Variants in LRRTM4 observed in about 807,000 individuals in gnomAD.
The protein encoded by LRRTM4 is leucine-rich repeat transmembrane neuronal protein 4.
In LRRTM4, 25 loss-of-function variants were observed where a neutral mutation model predicts 47.6. The observed-to-expected ratio is 0.53, with a 90% confidence interval of 0.38 to 0.73. The LOEUF (loss-of-function observed/expected upper bound fraction) is 0.73. Ranked by LOEUF, LRRTM4 falls within the 30% of genes least tolerant of loss-of-function variation. The pLI is 0.00. For missense variants in LRRTM4, 638 were observed against 713.4 expected (o/e 0.89, Z 1.20); for synonymous variants, 311 against 269.5 (o/e 1.15, Z -1.51).
intron 3 of LRRTM4, among the ~76,000 whole-genome samples, chr2:77,446,426 T>C (rs1277147530): frequency 1.3e-5 from 2 of 152,058 alleles, no homozygotes; most frequent in South Asian, 4.1e-4. Flanking sequence ...CTGATTTACA[T>C]TGATCTTCAA....
chr2:77,466,085 G>A (rs1244723791), intron 3 of LRRTM4, among the ~76,000 whole-genome samples: 1 of 152,132 alleles, frequency 6.6e-6, no homozygotes, highest in African/African-American at 2.4e-5. Flanking sequence ...GTTTTAGAGA[G>A]AAACAACAAG....
At chr2:76,850,649 G>A (rs1461674787) in intron 3 of LRRTM4, among the ~76,000 whole-genome samples, 1 of 152,144 alleles carries the variant, frequency 6.6e-6, no homozygotes, top group Non-Finnish European at 1.5e-5. Context: ...CTTAGCAACT[G>A]TCACTGTCCT....
intron 3 of LRRTM4, among the ~76,000 whole-genome samples, chr2:76,932,081 G>A (rs188856533): frequency 9.9e-5 from 15 of 152,166 alleles, no homozygotes; most frequent in African/African-American, 2.9e-4. Flanking sequence ...CCCTTTCAAC[G>A]TGAATTTTAT....
At chr2:77,368,096 C>G (rs1672526578) in intron 3 of LRRTM4, among the ~76,000 whole-genome samples, 2 of 151,612 alleles carry the variant, frequency 1.3e-5, no homozygotes, top group Non-Finnish European at 3.0e-5. Flanking sequence ...GCCTTCTAAT[C>G]TGTATGCTCT....
intron 3 of LRRTM4, among the ~76,000 whole-genome samples, chr2:77,472,671 A>C (rs1421538126): frequency 1.3e-5 from 2 of 152,168 alleles, no homozygotes; most frequent in African/African-American, 4.8e-5. Context: ...TGTAGGGGCT[A>C]CTGCGTGCAT....
intron 3 of LRRTM4, among the ~76,000 whole-genome samples, chr2:77,300,344 G>T (rs1184760749): frequency 6.6e-6 from 1 of 152,028 alleles, no homozygotes; most frequent in Non-Finnish European, 1.5e-5. Context: ...TGAAAAATTA[G>T]AAATATTTTA....
intron 3 of LRRTM4, among the ~76,000 whole-genome samples, chr2:76,783,910 TA>T (rs1674529634): frequency 6.6e-6 from 1 of 152,186 alleles, no homozygotes. Flanking sequence ...ATACTCATAA[TA>T]AAACTGCTTG....
intron 3 of LRRTM4, among the ~76,000 whole-genome samples, chr2:76,918,991 T>G (rs1674344607): frequency 6.6e-6 from 1 of 152,226 alleles, no homozygotes; most frequent in South Asian, 2.1e-4. Context: ...GGATATAGAT[T>G]AAAATCAGCA....
chr2:77,416,461 T>C (rs1456167633), intron 3 of LRRTM4, among the ~76,000 whole-genome samples: 1 of 152,168 alleles, frequency 6.6e-6, no homozygotes, highest in Non-Finnish European at 1.5e-5. Flanking sequence ...TAAGAGGTTT[T>C]ATTTCATGCT....
intron 3 of LRRTM4, among the ~76,000 whole-genome samples, chr2:77,383,694 A>C (rs1673149812): frequency 6.6e-6 from 1 of 152,134 alleles, no homozygotes; most frequent in South Asian, 2.1e-4. Flanking sequence ...TAGAGATGAA[A>C]AAAACTGAGA....
At chr2:77,279,131 C>T (rs951820066) in intron 3 of LRRTM4, among the ~76,000 whole-genome samples, 2 of 151,956 alleles carry the variant, frequency 1.3e-5, no homozygotes, top group Admixed American at 6.6e-5. Context: ...AACTTGCTTT[C>T]ATCTTACTCA....
chr2:76,801,408 G>A (rs1018905998), intron 3 of LRRTM4, among the ~76,000 whole-genome samples: 21 of 151,848 alleles, frequency 1.4e-4, no homozygotes, highest in Admixed American at 4.6e-4. Context: ...GTAAACTATC[G>A]CAAGAACAAA....
intron 3 of LRRTM4, among the ~76,000 whole-genome samples, chr2:76,807,256 A>T (rs957910874): frequency 6.6e-6 from 1 of 151,656 alleles, no homozygotes; most frequent in Non-Finnish European, 1.5e-5. Context: ...AACTGCAAGG[A>T]CAAGTTAAGT....
At chr2:77,012,696 A>AC (rs767607372) in intron 3 of LRRTM4, among the ~76,000 whole-genome samples, 4 of 152,120 alleles carry the variant, frequency 2.6e-5, no homozygotes, top group Non-Finnish European at 5.9e-5. Context: ...GAATTGAGTG[A>AC]CCCCCAAACT....
At chr2:77,142,669 T>C (rs531570383) in intron 3 of LRRTM4, among the ~76,000 whole-genome samples, 1 of 152,200 alleles carries the variant, frequency 6.6e-6, no homozygotes, top group Non-Finnish European at 1.5e-5. Flanking sequence ...CAGAATCATA[T>C]GATGAGAACT....
intron 3 of LRRTM4, among the ~76,000 whole-genome samples, chr2:77,115,038 G>A (rs527324803): frequency 1.1e-4 from 17 of 152,160 alleles, no homozygotes; most frequent in South Asian, 2.1e-4. Context: ...AGACCAGGGC[G>A]TATTTCAGTA....
intron 3 of LRRTM4, among the ~76,000 whole-genome samples, chr2:77,432,397 A>T (rs1267814920): frequency 6.6e-6 from 1 of 152,248 alleles, no homozygotes; most frequent in Non-Finnish European, 1.5e-5. Flanking sequence ...AGACGAAAGC[A>T]GTAGCTATGA....
chr2:77,082,055 G>C (rs1680551115), intron 3 of LRRTM4, among the ~76,000 whole-genome samples: 3 of 152,046 alleles, frequency 2.0e-5, no homozygotes, highest in South Asian at 4.1e-4. Context: ...TTATACTTTT[G>C]TTTTGTATTA....
At chr2:77,390,446 C>T (rs1673458147) in intron 3 of LRRTM4, among the ~76,000 whole-genome samples, 1 of 151,980 alleles carries the variant, frequency 6.6e-6, no homozygotes, top group Admixed American at 6.6e-5. Context: ...ACTCATGCAA[C>T]TTTCATACAA....
Sources: allele counts gnomAD v4.1 joint callset (sites outside exome capture counted in the v4.1 genomes callset), GRCh38; gene constraint gnomAD v4.1.1; transcripts MANE v1.5; gene names NCBI Gene and HGNC (gene_info 2026-07-23, HGNC 2026-07-21).